The following KIF4A variants were observed in gnomAD, a reference collection of about 807,000 sequenced individuals.
KIF4A encodes the protein chromosome-associated kinesin KIF4A.
Under a neutral mutation model 105.9 loss-of-function variants are expected in KIF4A, and 7 were observed. The observed-to-expected ratio is 0.07, with a 90% CI of 0.04 to 0.12. The LOEUF (loss-of-function observed/expected upper bound fraction) is 0.12, where lower values mean the gene tolerates loss of function less well. Ranked by LOEUF, KIF4A falls within the 10% of genes least tolerant of loss-of-function variation. The pLI is 1.00. For missense variants in KIF4A, 558 were observed against 929.2 expected, an observed-to-expected ratio of 0.60 and a Z score of 5.19; for synonymous variants, 281 against 331.3, an observed-to-expected ratio of 0.85 and a Z score of 1.65.
chrX:70,382,217 G>A (rs6625603), intron 18 of KIF4A, among the ~76,000 whole-genome samples: 42,084 of 111,073 alleles, frequency 0.38, 6,989 homozygotes, highest in Non-Finnish European at 0.51. Context: ...ATCACTTGAG[G>A]TCAGGAGTTC....
chrX:70,382,764 G>T (rs1223652639), intron 18 of KIF4A, among the ~76,000 whole-genome samples: 1 of 105,108 alleles, frequency 9.5e-6, no homozygotes, highest in African/African-American at 3.5e-5. Flanking sequence ...CCCACCCTGG[G>T]CAACATAGCA....
At chrX:70,382,790 CAAA>C (rs752261480) in intron 18 of KIF4A, among the ~76,000 whole-genome samples, 2 of 54,349 alleles carry the variant, frequency 3.7e-5, no homozygotes, top group Non-Finnish European at 3.7e-5. Context: ...CCATCTCTAA[CAAA>C]AAAAAAAAAA....
intron 3 of KIF4A, among the ~76,000 whole-genome samples, chrX:70,293,771 G>A (rs945758326): frequency 5.4e-5 from 6 of 112,064 alleles, no homozygotes; most frequent in African/African-American, 1.6e-4. Flanking sequence ...TGATACACCC[G>A]TATAGGGCAA....
chrX:70,313,064 A>G (rs140134502), intron 7 of KIF4A, among the ~76,000 whole-genome samples: 131 of 111,450 alleles, frequency 1.2e-3, no homozygotes, highest in African/African-American at 4.1e-3. Flanking sequence ...TGAGCTTGTT[A>G]CTTGTATTAT....
chrX:70,374,321 GAGAAGT>G, intron 16 of KIF4A, 67 bp downstream of exon 16: 1 of 703,352 alleles, frequency 1.4e-6, no homozygotes, highest in South Asian at 3.2e-5. Context: ...GCAAGAAATA[GAGAAGT>G]AGAAGTCCCA....
chrX:70,411,752 C>T (rs2086322855), intron 28 of KIF4A, among the ~76,000 whole-genome samples: 1 of 110,911 alleles, frequency 9.0e-6, no homozygotes, highest in Admixed American at 9.6e-5. Flanking sequence ...CTGCTTTCCA[C>T]TCTCTACAAA....
chrX:70,362,568 G>T (rs1323125628), intron 15 of KIF4A, among the ~76,000 whole-genome samples: 1 of 111,968 alleles, frequency 8.9e-6, no homozygotes, highest in African/African-American at 3.2e-5. Context: ...GTCTTGCTCT[G>T]TCACCCAGGC....
chrX:70,355,005 G>T (rs1381340094), intron 15 of KIF4A, among the ~76,000 whole-genome samples: 2 of 111,448 alleles, frequency 1.8e-5, no homozygotes, highest in African/African-American at 6.5e-5. Flanking sequence ...GTGGAGTTAG[G>T]ATTCTTTCCA....
intron 22 of KIF4A, among the ~76,000 whole-genome samples, chrX:70,399,445 T>G (rs747702690): frequency 3.6e-5 from 4 of 111,072 alleles, no homozygotes; most frequent in Non-Finnish European, 7.5e-5. Context: ...AACTTGACAG[T>G]TTTTCATAAC....
At chrX:70,318,030 A>G (rs1373069109) in intron 7 of KIF4A, among the ~76,000 whole-genome samples, 1 of 109,837 alleles carries the variant, frequency 9.1e-6, no homozygotes. Context: ...GGCATGTGCC[A>G]CCACACCCAG....
rs1394178410 is a variant in KIF4A at position 70,343,951 on chromosome X, G to T, written c.1400G>T (p.Cys467Phe). The change falls in exon 13 of 31, where the codon TGT becomes TTT. Residue 467 changes from cysteine (C) to phenylalanine (F), a missense_variant. Physicochemically the swap from Cys to Phe is radical, Grantham distance 205. Around this residue, in one of 2 missense-constraint regions of KIF4A, gnomAD observed 469 missense variants for 680.4 expected, o/e 0.69. Coordinates refer to ENST00000374403, the MANE Select transcript of KIF4A (RefSeq NM_012310.5). ...QELKENVEII[C>F]NLQQLITQLS... Reference sequence around the variant, plus strand: ...TTGAAAGAAAATGTAGAGATAATTTGTAACCTGCAGCAATTGATTACCCAG... The same window carrying T: ...TTGAAAGAAAATGTAGAGATAATTTTTAACCTGCAGCAATTGATTACCCAG... 8.3e-7 allele frequency: 1 copy of T among 1,206,317 alleles called. No individual in the cohort carries two copies. The highest frequency in any genetic ancestry group is 1.7e-5 in the African/African-American group (1 of 57,240).
chrX:70,379,080 G>A (rs2147724972), intron 18 of KIF4A, among the ~76,000 whole-genome samples: 1 of 106,785 alleles, frequency 9.4e-6, no homozygotes, highest in South Asian at 4.3e-4. Flanking sequence ...GGAGAATGGT[G>A]TGAACCCGGA....
intron 25 of KIF4A, 53 bp from the exon 26 acceptor site, chrX:70,405,775 C>G (rs1307691823): frequency 1.1e-6 from 1 of 895,930 alleles, no homozygotes; most frequent in Non-Finnish European, 1.6e-6. Context: ...GTTTGGTAAC[C>G]CACATGTAGT....
chrX:70,403,930 G>T lies in KIF4A; in HGVS notation c.2686G>T (p.Ala896Ser), dbSNP rs1380704037. 8.3e-7 allele frequency: 1 copy of T among 1,211,518 alleles called. No individual in the cohort carries two copies. The highest frequency in any genetic ancestry group is 2.2e-5 in the Admixed American group (1 of 45,998). ...CCTGAAACAGAGCAAGACCAGCTGT[G>T]CTGACATGCAGAAGATGCTGTTTGA... ...SSLKQSKTSC[A>S]DMQKMLFEER... is the part of the protein sequence containing the mutation. The change falls in exon 24 of 31, where the codon GCT (alanine) becomes TCT (serine). Residue 896 changes from alanine to serine, a missense_variant. This residue lies in a region of KIF4A where 469 missense variants were observed against 680.4 expected (regional missense o/e 0.69). Coordinates refer to ENST00000374403, the MANE Select transcript of KIF4A (RefSeq NM_012310.5).
rs906793356 is a variant in KIF4A, at chrX:70,346,941, C to T, written c.1431+2959C>T. Among the ~76,000 whole-genome samples, 52 of 111,868 alleles carry T rather than the reference C, an allele frequency of 4.6e-4. 1 individual carries two copies. The highest frequency in any genetic ancestry group is 1.9e-4 in the Admixed American group (2 of 10,579). On this transcript the variant is annotated intron_variant, in intron 13 of 30. Coordinates refer to ENST00000374403, the MANE Select transcript of KIF4A (RefSeq NM_012310.5). ...TTTTATTTTAAGTGACTAGTGAACA[C>T]CCCCTTTTCCATTATAAAGGCAACC...
At chrX:70,312,339 T>A (rs1324444761) in intron 7 of KIF4A, among the ~76,000 whole-genome samples, 3 of 110,042 alleles carry the variant, frequency 2.7e-5, no homozygotes, top group Non-Finnish European at 5.7e-5. Flanking sequence ...GAGATGGGGT[T>A]TCACCATGTT....
intron 15 of KIF4A, among the ~76,000 whole-genome samples, chrX:70,365,542 C>T (rs1032203377): frequency 1.3e-4 from 14 of 111,785 alleles, no homozygotes; most frequent in Admixed American, 3.8e-4. Flanking sequence ...TGCTGGATTA[C>T]GTTTATTGAT....
At chrX:70,322,630 TC>T (rs1440088863) in intron 7 of KIF4A, among the ~76,000 whole-genome samples, 4 of 107,501 alleles carry the variant, frequency 3.7e-5, no homozygotes, top group African/African-American at 6.8e-5. Flanking sequence ...TTTAAATGGG[TC>T]CCTCCATCAC....
At chrX:70,413,372 G>A (rs533000824) in intron 28 of KIF4A, among the ~76,000 whole-genome samples, 1 of 111,952 alleles carries the variant, frequency 8.9e-6, no homozygotes, top group African/African-American at 3.2e-5. Flanking sequence ...AGTGGCTCAC[G>A]CCTATAATCC....
Sources: allele counts gnomAD v4.1 joint callset (sites outside exome capture counted in the v4.1 genomes callset), GRCh38; gene constraint gnomAD v4.1.1; regional missense constraint gnomAD v4.1.1; transcripts MANE v1.5; gene names NCBI Gene and HGNC (gene_info 2026-07-23, HGNC 2026-07-21).